The following SCAPER variants were observed in gnomAD, a reference collection of about 807,000 sequenced individuals.
SCAPER encodes the protein S phase cyclin A-associated protein in the endoplasmic reticulum.
A neutral mutation model predicts 182.2 loss-of-function variants in SCAPER; 98 were observed. That is an observed-to-expected ratio of 0.54 (90% CI 0.46 to 0.64). SCAPER has a LOEUF of 0.64. SCAPER is among the 30% of genes least tolerant of loss of function. The pLI is 0.00. For missense variants in SCAPER, 1,432 were observed against 1,690.0 expected (o/e 0.85, Z 2.68); for synonymous variants, 605 against 564.6 (o/e 1.07, Z -1.01).
chr15:76,604,718 G>C (rs1290589681), intron 22 of SCAPER, among the ~76,000 whole-genome samples: 2 of 152,038 alleles, frequency 1.3e-5, no homozygotes, highest in Non-Finnish European at 2.9e-5. Context: ...GTGGTTTGTA[G>C]TTCTCCTTGA....
chr15:76,892,614 C>T (rs933680505), intron 1 of SCAPER, among the ~76,000 whole-genome samples: 8 of 152,136 alleles, frequency 5.3e-5, no homozygotes, highest in East Asian at 1.9e-4. Flanking sequence ...ATCAAAACCA[C>T]GATGAGATAC....
At chr15:76,518,478 A>T (rs1415159843) in intron 23 of SCAPER, among the ~76,000 whole-genome samples, 1 of 152,192 alleles carries the variant, frequency 6.6e-6, no homozygotes, top group Non-Finnish European at 1.5e-5. Context: ...CCTGTTAGCA[A>T]GTACTGGGTC....
At chr15:76,487,432 A>G (rs2051766952) in intron 24 of SCAPER, among the ~76,000 whole-genome samples, 1 of 152,196 alleles carries the variant, frequency 6.6e-6, no homozygotes, top group Admixed American at 6.5e-5. Flanking sequence ...GTTCTGCATG[A>G]TACTAAAATG....
intron 24 of SCAPER, among the ~76,000 whole-genome samples, chr15:76,494,246 A>G (rs531330649): frequency 1.3e-5 from 2 of 152,212 alleles, no homozygotes; most frequent in Non-Finnish European, 2.9e-5. Flanking sequence ...GAGTGTTTAT[A>G]GCACACAGAA....
At position 76,885,792 on chromosome 15, in the gene SCAPER, T is replaced by C. The variant is rs2073807535; in HGVS notation, c.-59-1916A>G. 2.0e-5 allele frequency among the ~76,000 whole-genome samples: 3 copies of C among 152,292 alleles called. 1 individual carries two copies. The South Asian group carries it at 6.2e-4, about 32-fold the overall frequency. On this transcript the variant is annotated intron_variant, in intron 1 of 31. Coordinates refer to ENST00000563290, the MANE Select transcript of SCAPER (RefSeq NM_020843.4). ...GTGCCACCATGCACACCTGGCCCTA[T>C]TTAAAATCATAACCCTACCAAACAA...
At chr15:76,685,307 T>C (rs2147058213) in intron 20 of SCAPER, among the ~76,000 whole-genome samples, 1 of 151,918 alleles carries the variant, frequency 6.6e-6, no homozygotes, top group African/African-American at 2.4e-5. Context: ...ACTATGGATA[T>C]GAGCCAATGT....
chr15:76,819,730 C>A (rs902061304), intron 5 of SCAPER, among the ~76,000 whole-genome samples: 9 of 152,156 alleles, frequency 5.9e-5, no homozygotes, highest in African/African-American at 2.4e-5. Flanking sequence ...CAAAGCTGGA[C>A]GGAGAATGAC....
Position 76,765,572 on chromosome 15 carries a change from C to A in SCAPER, c.1486G>T (p.Asp496Tyr). Residue 496 changes from aspartate (D) to tyrosine (Y), a missense_variant, in exon 12 of 32, where the codon GAT (aspartate) becomes TAT (tyrosine). Around this residue, in one of 5 missense-constraint regions of SCAPER, gnomAD observed 128 missense variants for 149.9 expected, o/e 0.85. Coordinates refer to ENST00000563290, the MANE Select transcript of SCAPER (RefSeq NM_020843.4). Reference protein sequence around the residue: ...MSMDWNDVLADYEARESWRQN... With the variant: ...MSMDWNDVLAYYEARESWRQN... ...TGCATATACACAATACCTTCATAAT[C>A]TGCAAGGACATCGTTCCAGTCCATG... 6.3e-7 allele frequency: 1 copy of A among 1,596,418 alleles called. No individual in the cohort carries two copies. Among genetic ancestry groups the A allele is most frequent in the Non-Finnish European group, 8.5e-7 (1 of 1,170,454 alleles).
intron 25 of SCAPER, 71 bp from the exon 26 acceptor site, chr15:76,434,381 C>A: frequency 9.3e-7 from 1 of 1,072,516 alleles, no homozygotes; most frequent in Non-Finnish European, 1.4e-6. Context: ...CAGTTTAGAA[C>A]ATTTCTGGAA....
intron 23 of SCAPER, among the ~76,000 whole-genome samples, chr15:76,517,337 C>G (rs2042506873): frequency 6.6e-6 from 1 of 151,020 alleles, no homozygotes; most frequent in Non-Finnish European, 1.5e-5. Flanking sequence ...GTCGAGCTTT[C>G]CTTTATATTA....
intron 10 of SCAPER, among the ~76,000 whole-genome samples, chr15:76,770,121 A>G (rs12439452): frequency 0.82 from 123,277 of 150,628 alleles, 51,163 homozygotes; most frequent in Middle Eastern, 0.91. Flanking sequence ...ACCAAACACC[A>G]CATGTTCTGA....
chr15:76,821,077 C>G (rs968665207), intron 5 of SCAPER, among the ~76,000 whole-genome samples: 2 of 152,306 alleles, frequency 1.3e-5, no homozygotes, highest in African/African-American at 4.8e-5. Context: ...CAGTTTCTTA[C>G]AAAACTAAAC....
intron 1 of SCAPER, among the ~76,000 whole-genome samples, chr15:76,898,097 G>A (rs1339826716): frequency 5.3e-5 from 8 of 152,106 alleles, no homozygotes; most frequent in Non-Finnish European, 1.2e-4. Context: ...GGTTAAAGGG[G>A]TTATGTTCTC....
chr15:76,419,442 C>T (rs1292783147), intron 26 of SCAPER, among the ~76,000 whole-genome samples: 15 of 152,116 alleles, frequency 9.9e-5, no homozygotes, highest in Non-Finnish European at 2.2e-4. Flanking sequence ...AATTCTCGGC[C>T]GGGCACGGTG....
At chr15:76,422,553 T>C (rs984734645) in intron 26 of SCAPER, among the ~76,000 whole-genome samples, 12 of 151,986 alleles carry the variant, frequency 7.9e-5, no homozygotes, top group East Asian at 1.9e-4. Flanking sequence ...TATACAATCA[T>C]GTCATCTGCA....
intron 25 of SCAPER, among the ~76,000 whole-genome samples, chr15:76,443,932 C>A (rs1246558756): frequency 6.6e-6 from 1 of 152,182 alleles, no homozygotes; most frequent in Admixed American, 6.5e-5. Flanking sequence ...GCGGACCAGT[C>A]AAGAGCAAAG....
chr15:76,452,059 C>T (rs2048402794), intron 25 of SCAPER, among the ~76,000 whole-genome samples: 1 of 152,136 alleles, frequency 6.6e-6, no homozygotes, highest in African/African-American at 2.4e-5. Context: ...CCAGTTCCTA[C>T]TATTGTCTTC....
chr15:76,404,414 A>C (rs1357071487), intron 27 of SCAPER, 110 bp downstream of exon 27: 1 of 1,093,396 alleles, frequency 9.1e-7, no homozygotes, highest in Non-Finnish European at 1.3e-6. Flanking sequence ...ACAAAGAGGA[A>C]AGATGGCCAA....
At chr15:76,644,544 A>T (rs1241527369) in intron 21 of SCAPER, among the ~76,000 whole-genome samples, 1 of 152,000 alleles carries the variant, frequency 6.6e-6, no homozygotes, top group East Asian at 1.9e-4. Flanking sequence ...CTGCTTTCAT[A>T]CATACAGTAC....
Sources: allele counts gnomAD v4.1 joint callset (sites outside exome capture counted in the v4.1 genomes callset), GRCh38; gene constraint gnomAD v4.1.1; regional missense constraint gnomAD v4.1.1; transcripts MANE v1.5; gene names NCBI Gene and HGNC (gene_info 2026-07-23, HGNC 2026-07-21).